Variants in TRPC5 observed in about 807,000 individuals in gnomAD.
TRPC5 encodes short transient receptor potential channel 5.
Under a neutral mutation model 56.5 loss-of-function variants are expected in TRPC5, and 9 were observed. The observed-to-expected ratio is 0.16, with a 90% confidence interval of 0.10 to 0.28. The LOEUF is 0.28. Ranked by LOEUF, TRPC5 falls within the 10% of genes least tolerant of loss-of-function variation. TRPC5 has a pLI of 1.00. For missense variants in TRPC5, 469 were observed against 748.9 expected (o/e 0.63, Z 4.36); for synonymous variants, 282 against 278.5 (o/e 1.01, Z -0.13).
intron 1 of TRPC5, among the ~76,000 whole-genome samples, chrX:111,970,532 T>A (rs1927750127): frequency 9.0e-6 from 1 of 111,529 alleles, no homozygotes; most frequent in Admixed American, 9.6e-5. Flanking sequence ...TCCTGCAAAG[T>A]GGTTAATTCT....
chrX:111,898,398 G>A (rs1384311801), intron 3 of TRPC5, among the ~76,000 whole-genome samples: 1 of 108,932 alleles, frequency 9.2e-6, no homozygotes, highest in Admixed American at 9.8e-5. Flanking sequence ...TCTCTGGGTT[G>A]CCTGTTCATT....
At chrX:112,080,848 G>T (rs1930947035) in intron 1 of TRPC5, among the ~76,000 whole-genome samples, 1 of 112,248 alleles carries the variant, frequency 8.9e-6, no homozygotes, top group South Asian at 3.7e-4. Context: ...TAAATGCCAT[G>T]AAGATAAATA....
At chrX:111,995,998 A>C (rs1928518467) in intron 1 of TRPC5, among the ~76,000 whole-genome samples, 1 of 106,024 alleles carries the variant, frequency 9.4e-6, no homozygotes, top group Non-Finnish European at 1.9e-5. Context: ...TTCTGCTCTG[A>C]TCTTAGTTAT....
Position 112,000,843 on chromosome X carries a change from C to T in TRPC5, c.-21-48402G>A, listed in dbSNP as rs185019743. Among the ~76,000 whole-genome samples, 47 of 111,840 alleles carry T rather than the reference C, an allele frequency of 4.2e-4. 1 individual carries two copies. Among genetic ancestry groups the T allele is most frequent in the Admixed American group, 3.8e-3 (40 of 10,535 alleles). ...AGATTTCTGTGAAAGAATCCTAGGG[C>T]GATTTCACTGACCAAAGCCTCCTGA... On this transcript the variant is annotated intron_variant, in intron 1 of 10. Transcript: ENST00000262839.
intron 1 of TRPC5, among the ~76,000 whole-genome samples, chrX:112,020,552 A>G (rs1289917970): frequency 8.9e-6 from 1 of 112,272 alleles, no homozygotes; most frequent in Non-Finnish European, 1.9e-5. Context: ...AATGTAAAAA[A>G]CACACACAGT....
chrX:111,787,939 A>G (rs919562397), intron 7 of TRPC5, among the ~76,000 whole-genome samples: 7 of 111,876 alleles, frequency 6.3e-5, no homozygotes, highest in Middle Eastern at 4.6e-3. Flanking sequence ...CCAATCAAAA[A>G]AAGTCCAGTA....
At chrX:112,023,246 GTTTTTTTTTTTTTTTTTT>G (rs1163231468) in intron 1 of TRPC5, among the ~76,000 whole-genome samples, 71 of 56,715 alleles carry the variant, frequency 1.3e-3, no homozygotes, top group African/African-American at 4.7e-3. Flanking sequence ...TTTTTTTTTT[GTTTTTTTTTTTTTTTTTT>G]TTTTTTTTTT....
At chrX:111,872,859 A>G (rs777954345) in intron 3 of TRPC5, among the ~76,000 whole-genome samples, 1 of 112,294 alleles carries the variant, frequency 8.9e-6, no homozygotes, top group African/African-American at 3.2e-5. Context: ...TCAAAAAGCA[A>G]CAGATGTTGG....
intron 1 of TRPC5, among the ~76,000 whole-genome samples, chrX:112,046,273 C>G (rs1461147118): frequency 9.7e-6 from 1 of 103,524 alleles, no homozygotes; most frequent in Non-Finnish European, 1.9e-5. Flanking sequence ...GGCTATTGGA[C>G]TTGGTGGGTG....
rs189594544 is a variant in TRPC5, at chrX:111,969,237, G to A, written c.-21-16796C>T. 2.0e-3 allele frequency among the ~76,000 whole-genome samples: 225 copies of A among 110,861 alleles called. 1 individual carries two copies. Among genetic ancestry groups the A allele is most frequent in the Non-Finnish European group, 3.2e-3 (170 of 52,953 alleles). On this transcript the variant is annotated intron_variant, in intron 1 of 10. Coordinates refer to ENST00000262839, the MANE Select transcript of TRPC5 (RefSeq NM_012471.3). ...AGCAATACAGTATTTTAAAATTAAG[G>A]TTTGTATATTGTTTTTTAACATAAT...
chrX:112,003,291 T>C (rs1336660047), intron 1 of TRPC5, among the ~76,000 whole-genome samples: 1 of 111,511 alleles, frequency 9.0e-6, no homozygotes, highest in African/African-American at 3.3e-5. Flanking sequence ...TAAGGAGGTA[T>C]ATACTATAAT....
intron 2 of TRPC5, among the ~76,000 whole-genome samples, chrX:111,918,081 A>G (rs1251889306): frequency 1.8e-5 from 2 of 111,285 alleles, no homozygotes; most frequent in African/African-American, 6.5e-5. Context: ...GACAAGGGAA[A>G]GAGGGGGCTT....
intron 1 of TRPC5, among the ~76,000 whole-genome samples, chrX:112,035,172 T>C (rs12011058): frequency 0.2 from 21,540 of 106,943 alleles, 2,450 homozygotes; most frequent in African/African-American, 0.41. Context: ...TTCCCCACAA[T>C]CCCATGAATG....
intron 1 of TRPC5, among the ~76,000 whole-genome samples, chrX:111,994,612 C>T (rs1928466296): frequency 9.0e-6 from 1 of 111,225 alleles, no homozygotes; most frequent in African/African-American, 3.3e-5. Flanking sequence ...TTGAAGAGGT[C>T]CTTCACATCC....
intron 1 of TRPC5, among the ~76,000 whole-genome samples, chrX:111,994,315 A>G (rs1282165940): frequency 9.0e-6 from 1 of 111,501 alleles, no homozygotes; most frequent in Non-Finnish European, 1.9e-5. Flanking sequence ...GCCTTGTAGT[A>G]TAGTTTGAAG....
rs751795016 is a variant in TRPC5 at position 111,792,458 on chromosome X, A to G, written c.1897-10320T>C. On this transcript the variant is annotated intron_variant, in intron 7 of 10. Coordinates refer to ENST00000262839, the MANE Select transcript of TRPC5 (RefSeq NM_012471.3). ...TGCACATTCTGTGCATGTATACCAG[A>G]ACTTAAAATTTTAAAAAATTAAAAA... is the stretch of plus-strand genomic sequence containing the variant. 4.5e-5 allele frequency among the ~76,000 whole-genome samples: 5 copies of G among 111,563 alleles called. No individual in the cohort carries two copies. The South Asian group carries it at 1.9e-3, about 43-fold the overall frequency.
chrX:111,941,546 C>T (rs1269744666), intron 2 of TRPC5, among the ~76,000 whole-genome samples: 1 of 111,998 alleles, frequency 8.9e-6, no homozygotes, highest in Admixed American at 9.4e-5. Context: ...TTCCACCAGT[C>T]GTGGAGGTGG....
intron 7 of TRPC5, among the ~76,000 whole-genome samples, chrX:111,794,784 C>T (rs1946047347): frequency 9.0e-6 from 1 of 111,209 alleles, no homozygotes; most frequent in South Asian, 3.8e-4. Flanking sequence ...TATAAGAGCA[C>T]AATTCCATTC....
intron 3 of TRPC5, among the ~76,000 whole-genome samples, chrX:111,880,639 A>G (rs1330582825): frequency 1.8e-5 from 2 of 112,391 alleles, no homozygotes; most frequent in Non-Finnish European, 3.8e-5. Context: ...GATGACAAAA[A>G]TGATTAGTTG....
Sources: allele counts gnomAD v4.1 joint callset (sites outside exome capture counted in the v4.1 genomes callset), GRCh38; gene constraint gnomAD v4.1.1; transcripts MANE v1.5; gene names NCBI Gene and HGNC (gene_info 2026-07-23, HGNC 2026-07-21).